Variants in PADI6 observed in about 807,000 individuals in gnomAD.
The protein encoded by PADI6 is inactive protein-arginine deiminase type-6.
Under a neutral mutation model 78.2 loss-of-function variants are expected in PADI6, and 66 were observed. The observed-to-expected ratio is 0.84, with a 90% confidence interval of 0.69 to 1.04. The LOEUF (loss-of-function observed/expected upper bound fraction) is 1.04, where lower values mean the gene tolerates loss of function less well. Ranked by LOEUF, PADI6 falls within the 50% of genes least tolerant of loss-of-function variation. PADI6 has a pLI of 0.00. For missense variants in PADI6, 854 were observed against 866.1 expected (o/e 0.99, Z 0.18); for synonymous variants, 397 against 346.9 (o/e 1.14, Z -1.60).
chr1:17,381,832 G>A (rs2075075540), intron 5 of PADI6, 135 bp from the exon 6 acceptor site: 3 of 1,005,908 alleles, frequency 3.0e-6, no homozygotes, highest in Non-Finnish European at 4.5e-6. Flanking sequence ...AATTCTTCGG[G>A]CCTGGGCCCT....
At position 17,392,126 on chromosome 1, in the gene PADI6, G is replaced by T. The variant is rs2075191401; in HGVS notation, c.975G>T (p.Leu325=). 2 of 1,557,148 alleles carry T rather than the reference G, an allele frequency of 1.3e-6. No individual in the cohort carries two copies. Among genetic ancestry groups the T allele is most frequent in the South Asian group, 2.4e-5 (2 of 84,326 alleles). Residue 325 remains leucine, a synonymous_variant, in exon 9 of 16, where the codon CTG becomes CTT. Transcript: ENST00000619609. ...TCTCCCATGGCAGGGAGCTGCAGCT[G>T]CAGGGTTTTGTGGACACAGTGACGA... ...LEVYLCRELQ[L]QGFVDTVTKL...
chr1:17,387,463 G>GA (rs887611914), intron 6 of PADI6, among the ~76,000 whole-genome samples: 4 of 151,438 alleles, frequency 2.6e-5, no homozygotes, highest in Non-Finnish European at 5.9e-5. Context: ...AAAGGAGGGG[G>GA]GGGGGCCAGG....
At chr1:17,394,174 G>A in intron 10 of PADI6, 92 bp downstream of exon 10, 1 of 1,521,594 alleles carries the variant, frequency 6.6e-7, no homozygotes, top group South Asian at 1.1e-5. Flanking sequence ...TGGGGAGAGG[G>A]CCCAGGTGGC....
In PADI6 at chr1:17,395,211, T is replaced by TG. The variant is rs369245260; in HGVS notation, c.1494+104_1494+105insG. The TG allele has an allele frequency of 3.4e-4, 474 of 1,385,938 alleles. 1 individual carries two copies. The highest frequency in any genetic ancestry group is 2.5e-3 in the African/African-American group (157 of 63,014). The allele number at this position is 1,385,938 out of a possible 1,614,324, so 85.9% of individuals were successfully genotyped here. A position where few individuals can be genotyped will look rare whatever the true frequency, so the allele number is the denominator to read the frequency against. On this transcript the variant is annotated intron_variant, in intron 12 of 15. Transcript: ENST00000619609. ...CTGGCTTTTTCTTGTTTTTTTTTTT[T>TG]TTTGTTTGTTTTTTGAGAGTCTTGC...
At chr1:17,379,847 G>T in intron 3 of PADI6, 73 bp from the exon 4 acceptor site, 1 of 1,378,510 alleles carries the variant, frequency 7.3e-7, no homozygotes, top group Middle Eastern at 1.8e-4. Context: ...CAGCCCCACA[G>T]GAGATAACCT....
chr1:17,374,482 C>T (rs771598872), intron 2 of PADI6, among the ~76,000 whole-genome samples: 2 of 152,082 alleles, frequency 1.3e-5, no homozygotes, highest in African/African-American at 2.4e-5. Flanking sequence ...AAAAATTAGC[C>T]AGGTGTGGTG....
intron 6 of PADI6, among the ~76,000 whole-genome samples, chr1:17,387,184 CTG>C (rs1216588528): frequency 1.3e-5 from 2 of 152,206 alleles, no homozygotes; most frequent in Non-Finnish European, 2.9e-5. Context: ...TGGCTCACGA[CTG>C]TAATCCTAGC....
At chr1:17,398,653 C>CCGGGGGGGGGGGGGGGGGGGGG in intron 14 of PADI6, 33 bp from the exon 15 acceptor site, 1 of 135,092 alleles carries the variant, frequency 7.4e-6, no homozygotes, top group Non-Finnish European at 1.4e-5. Flanking sequence ...CTTGCTCCCC[C>CCGGGGGGGGGGGGGGGGGGGGG]GCCCCCCCCC....
Position 17,401,686 on chromosome 1 carries a change from G to T in PADI6, c.*248G>T. 2.0e-6 allele frequency: 1 copy of T among 499,180 alleles called. No homozygotes were observed. Among genetic ancestry groups the T allele is most frequent in the Non-Finnish European group, 3.6e-6 (1 of 276,506 alleles). 30.9% of individuals were successfully genotyped at this position (499,180 alleles called of 1,614,324 possible). ...TTACTAAATAGCCAATAAAGGGCTG[G>T]TGGGTGTGAATGCATCTTGGCAGTG... On this transcript the variant is annotated 3_prime_UTR_variant, in exon 16 of 16. Coordinates refer to ENST00000619609, the MANE Select transcript of PADI6 (RefSeq NM_207421.4).
In PADI6 at chr1:17,398,793, C is replaced by T. The variant is rs765880472; in HGVS notation, c.1797C>T (p.Ile599=). ...TCTGCTTGGAGAAGCTGACTAACAT[C>T]CCCTCTGACCAGCAGCCCAAGAGGT... The part of the protein sequence containing the change: ...QLFCLEKLTN[I]PSDQQPKRSF... Residue 599 remains isoleucine (I), a synonymous_variant, in exon 15 of 16, where the codon ATC becomes ATT. Transcript: ENST00000619609. 4 of 1,613,172 alleles carry T rather than the reference C, an allele frequency of 2.5e-6. No individual in the cohort carries two copies. The highest frequency in any genetic ancestry group is 2.2e-5 in the East Asian group (1 of 44,836).
chr1:17,399,282 C>T (rs1050677758), intron 15 of PADI6, among the ~76,000 whole-genome samples: 1 of 152,212 alleles, frequency 6.6e-6, no homozygotes, highest in Non-Finnish European at 1.5e-5. Context: ...GTGTCTGATA[C>T]ATAGAGGTAC....
chr1:17,382,326 C>T (rs2075080395), intron 6 of PADI6, among the ~76,000 whole-genome samples: 1 of 152,206 alleles, frequency 6.6e-6, no homozygotes, highest in Admixed American at 6.5e-5. Context: ...ACTTTCTCCA[C>T]TTGTAAAATG....
At chr1:17,378,132 CTT>C (rs1570125079) in intron 3 of PADI6, among the ~76,000 whole-genome samples, 1 of 152,294 alleles carries the variant, frequency 6.6e-6, no homozygotes, top group East Asian at 1.9e-4. Context: ...CTTTAGGTCT[CTT>C]TTCAAATGTA....
chr1:17,393,922 G>C, intron 9 of PADI6, 53 bp from the exon 10 acceptor site: 1 of 1,516,946 alleles, frequency 6.6e-7, no homozygotes, highest in Non-Finnish European at 9.2e-7. Context: ...TCCGTAAATG[G>C]GGTCCGGGGA....
At chr1:17,394,749 G>T (rs953832584) in intron 11 of PADI6, among the ~76,000 whole-genome samples, 1 of 152,132 alleles carries the variant, frequency 6.6e-6, no homozygotes, top group East Asian at 1.9e-4. Context: ...ACTTGTGCCC[G>T]GGCTTGTCTG....
chr1:17,373,843 C>CT (rs1474458259), intron 2 of PADI6, among the ~76,000 whole-genome samples: 1 of 152,106 alleles, frequency 6.6e-6, no homozygotes. Context: ...TGTGTCTAAA[C>CT]CTAAGTAGCC....
chr1:17,388,655 G>C, intron 7 of PADI6, 96 bp downstream of exon 7: 1 of 1,459,708 alleles, frequency 6.9e-7, no homozygotes, highest in Non-Finnish European at 9.3e-7. Flanking sequence ...TTTGCTGGGG[G>C]AGAGCTGCAG....
At chr1:17,384,425 C>G (rs1382091273) in intron 6 of PADI6, among the ~76,000 whole-genome samples, 2 of 152,092 alleles carry the variant, frequency 1.3e-5, no homozygotes, top group Non-Finnish European at 2.9e-5. Context: ...GAGACCTTGA[C>G]TCTGAGATAA....
At chr1:17,400,373 GGT>G (rs1301604536) in intron 15 of PADI6, among the ~76,000 whole-genome samples, 1 of 151,952 alleles carries the variant, frequency 6.6e-6, no homozygotes, top group African/African-American at 2.4e-5. Context: ...CAGGTGTAGT[GGT>G]GCATGCCTGT....
Sources: allele counts gnomAD v4.1 joint callset (sites outside exome capture counted in the v4.1 genomes callset), GRCh38; gene constraint gnomAD v4.1.1; transcripts MANE v1.5; gene names NCBI Gene and HGNC (gene_info 2026-07-23, HGNC 2026-07-21).